Variants in RAB38 observed in about 807,000 individuals in gnomAD.
RAB38 encodes RAB38, member RAS oncogene family, also known as ras-related protein Rab-38.
Under a neutral mutation model 18.4 loss-of-function variants are expected in RAB38, and 15 were observed. The ratio of observed to expected loss-of-function variants is 0.82; its 90% CI spans 0.55 to 1.26. The LOEUF (loss-of-function observed/expected upper bound fraction) is 1.26, where lower values mean the gene tolerates loss of function less well. Ranked by LOEUF, RAB38 falls within the 50% of genes most tolerant of loss-of-function variation. The pLI is 0.00. For synonymous variants in RAB38, 101 were observed against 104.4 expected, an observed-to-expected ratio of 0.97 and a Z score of 0.20; for missense variants, 294 against 267.4, an observed-to-expected ratio of 1.10 and a Z score of -0.69.
the RAB38 span, among the ~76,000 whole-genome samples, chr11:87,956,983 T>TG: frequency 0.52 from 77,023 of 149,008 alleles, 22,763 homozygotes; most frequent in Middle Eastern, 0.71. Flanking sequence ...TGCAGTTTTT[T>TG]GGGGGGGGGT....
chr11:87,908,248 A>C, the RAB38 span, among the ~76,000 whole-genome samples: 3 of 151,980 alleles, frequency 2.0e-5, no homozygotes, highest in East Asian at 5.8e-4. Context: ...GTTATGAAGC[A>C]GACCTACAAG....
At chr11:87,916,444 A>T in the RAB38 span, among the ~76,000 whole-genome samples, 1 of 152,098 alleles carries the variant, frequency 6.6e-6, no homozygotes, top group African/African-American at 2.4e-5. Flanking sequence ...AGTTCCACTG[A>T]GCATGTTTTG....
At chr11:88,031,269 A>T in the RAB38 span, among the ~76,000 whole-genome samples, 1 of 151,936 alleles carries the variant, frequency 6.6e-6, no homozygotes, top group Non-Finnish European at 1.5e-5. Flanking sequence ...CACAGCCAAC[A>T]TCATACTGAA....
the RAB38 span, among the ~76,000 whole-genome samples, chr11:88,037,531 G>C: frequency 6.6e-5 from 10 of 152,076 alleles, no homozygotes; most frequent in African/African-American, 2.4e-4. Flanking sequence ...TCAAGACATA[G>C]AACATTCTCA....
chr11:87,897,974 G>A, the RAB38 span, among the ~76,000 whole-genome samples: 1 of 151,518 alleles, frequency 6.6e-6, no homozygotes, highest in Admixed American at 6.6e-5. Flanking sequence ...GTAAGAATCT[G>A]TAAGGATGGG....
chr11:88,150,398 G>T (rs1943050155), intron 1 of RAB38, among the ~76,000 whole-genome samples: 2 of 152,212 alleles, frequency 1.3e-5, no homozygotes, highest in South Asian at 4.1e-4. Flanking sequence ...TAGAACATTC[G>T]ATTGGGCAAC....
chr11:88,006,562 A>ATT, the RAB38 span, among the ~76,000 whole-genome samples: 2 of 147,694 alleles, frequency 1.4e-5, no homozygotes, highest in Non-Finnish European at 3.0e-5. Context: ...TAAAGAATAC[A>ATT]TTATATATAT....
the RAB38 span, among the ~76,000 whole-genome samples, chr11:88,068,851 A>G: frequency 6.6e-6 from 1 of 152,222 alleles, no homozygotes; most frequent in Admixed American, 6.5e-5. Context: ...TGCTAAGTTC[A>G]CATCAAGCTC....
At chr11:87,950,558 G>A in the RAB38 span, among the ~76,000 whole-genome samples, 2 of 152,130 alleles carry the variant, frequency 1.3e-5, no homozygotes, top group Non-Finnish European at 2.9e-5. Context: ...GCTTCCTTCA[G>A]GAGCTCTTTT....
the RAB38 span, among the ~76,000 whole-genome samples, chr11:87,804,902 T>C: frequency 6.6e-6 from 1 of 152,236 alleles, no homozygotes; most frequent in Non-Finnish European, 1.5e-5. Flanking sequence ...TTCTCAGTGT[T>C]ATCATTTTTA....
At chr11:87,899,256 G>A in the RAB38 span, among the ~76,000 whole-genome samples, 1 of 151,662 alleles carries the variant, frequency 6.6e-6, no homozygotes, top group Non-Finnish European at 1.5e-5. Flanking sequence ...GATGCTATGA[G>A]CTAGTGCTCA....
the RAB38 span, among the ~76,000 whole-genome samples, chr11:88,059,473 T>C: frequency 1.3e-5 from 2 of 152,250 alleles, no homozygotes; most frequent in Non-Finnish European, 2.9e-5. Flanking sequence ...TCTTCAGGAA[T>C]GTTTCTAAAT....
chr11:88,101,937 G>T, the RAB38 span, among the ~76,000 whole-genome samples: 1 of 152,030 alleles, frequency 6.6e-6, no homozygotes, highest in Middle Eastern at 3.4e-3. Flanking sequence ...ATTTAGTGAA[G>T]AAAGAGTGAA....
chr11:88,155,206 A>G (rs1943110632), intron 1 of RAB38, among the ~76,000 whole-genome samples: 1 of 152,154 alleles, frequency 6.6e-6, no homozygotes, highest in African/African-American at 2.4e-5. Flanking sequence ...GGCCCCACCC[A>G]TTGTGGACCC....
chr11:87,885,815 G>A, the RAB38 span, among the ~76,000 whole-genome samples: 3 of 151,962 alleles, frequency 2.0e-5, no homozygotes, highest in African/African-American at 7.2e-5. Flanking sequence ...AAAAAATGAG[G>A]TACCAGCAAT....
the RAB38 span, among the ~76,000 whole-genome samples, chr11:87,942,817 G>A: frequency 6.6e-6 from 1 of 152,144 alleles, no homozygotes; most frequent in Non-Finnish European, 1.5e-5. Flanking sequence ...TGTGAAGTAT[G>A]TCCTCCAGAT....
chr11:88,116,419 G>A (rs1050840703), intron 2 of RAB38, among the ~76,000 whole-genome samples: 1 of 152,188 alleles, frequency 6.6e-6, no homozygotes, highest in Non-Finnish European at 1.5e-5. Flanking sequence ...TGTTGGAGAA[G>A]GAGGCAACAA....
chr11:87,948,272 T>C, the RAB38 span, among the ~76,000 whole-genome samples: 1 of 152,238 alleles, frequency 6.6e-6, no homozygotes, highest in South Asian at 2.1e-4. Flanking sequence ...CTGAAGTTGC[T>C]TGTCAGCTTA....
At chr11:87,815,282 A>G in the RAB38 span, 1 of 152,162 alleles carries the variant, frequency 6.6e-6, no homozygotes, top group African/African-American at 2.4e-5. Context: ...TGGGAGATCA[A>G]AGGGCTAGTA....
Sources: gnomAD v4.1 joint callset for allele counts (sites outside exome capture counted in the v4.1 genomes callset) on GRCh38, gnomAD v4.1.1 for gene constraint, MANE v1.5 for transcripts, NCBI Gene and HGNC (gene_info 2026-07-23, HGNC 2026-07-21) for gene names.